ADORA2B: variants seen among roughly 807,000 people sequenced by gnomAD.
ADORA2B encodes adenosine receptor A2b.
Under a neutral mutation model 20.8 loss-of-function variants are expected in ADORA2B, and 18 were observed. That is an observed-to-expected ratio of 0.87 (90% confidence interval 0.60 to 1.29). The LOEUF is 1.29. ADORA2B is among the 50% of genes most tolerant of loss of function. ADORA2B has a pLI of 0.00. For missense variants in ADORA2B, 441 were observed against 422.7 expected (o/e 1.04, Z -0.38); for synonymous variants, 179 against 178.3 (o/e 1.00, Z -0.03).
chr17:15,882,276 G>A, the ADORA2B span, among the ~76,000 whole-genome samples: 61 of 152,246 alleles, frequency 4.0e-4, no homozygotes, highest in Middle Eastern at 6.8e-3. Context: ...GCTGAGAGGA[G>A]CATCTAGGAA....
the ADORA2B span, among the ~76,000 whole-genome samples, chr17:15,852,938 G>A: frequency 1.3e-5 from 2 of 151,732 alleles, no homozygotes; most frequent in Non-Finnish European, 2.9e-5. Context: ...AAGACAGATA[G>A]GGCAGAAGCA....
chr17:15,945,154 C>CTCA lies in ADORA2B; in HGVS notation c.-95_-94insTCA, dbSNP rs1969782167. ...CAGAAGCGGCAGGCGGAGGCGCGGT[C>CTCA]CGGGCGCTATGGCCATGCCCGGCGG... On this transcript the variant is annotated 5_prime_UTR_variant, in exon 1 of 2. Coordinates refer to ENST00000304222, the MANE Select transcript of ADORA2B (RefSeq NM_000676.4). The CTCA allele has an allele frequency of 8.9e-7, 1 of 1,125,102 alleles. No individual in the cohort carries two copies. Among genetic ancestry groups the CTCA allele is most frequent in the African/African-American group, 1.6e-5 (1 of 61,026 alleles). The allele number at this position is 1,125,102 out of a possible 1,614,324, so 69.7% of individuals were successfully genotyped here.
chr17:15,898,453 CT>C, the ADORA2B span, among the ~76,000 whole-genome samples: 453 of 127,484 alleles, frequency 3.6e-3, 1 homozygote, highest in African/African-American at 9.0e-3. Context: ...TAATCTCCCA[CT>C]TTTTTTTTTT....
At chr17:15,957,462 G>A (rs1452612952) in intron 1 of ADORA2B, among the ~76,000 whole-genome samples, 1 of 152,222 alleles carries the variant, frequency 6.6e-6, no homozygotes, top group African/African-American at 2.4e-5. Flanking sequence ...GGAAGACAGG[G>A]CACACGGGAC....
At chr17:15,856,663 TG>T in the ADORA2B span, among the ~76,000 whole-genome samples, 16 of 152,292 alleles carry the variant, frequency 1.1e-4, no homozygotes, top group South Asian at 3.3e-3. Flanking sequence ...TGGTCTCAGA[TG>T]GGGATGAGGA....
At chr17:15,964,880 T>G (rs1213454441) in intron 1 of ADORA2B, among the ~76,000 whole-genome samples, 1 of 151,900 alleles carries the variant, frequency 6.6e-6, no homozygotes, top group Admixed American at 6.6e-5. Flanking sequence ...GCTAACACGG[T>G]GAAACCCCGT....
the ADORA2B span, among the ~76,000 whole-genome samples, chr17:15,857,389 C>T: frequency 6.6e-6 from 1 of 152,206 alleles, no homozygotes; most frequent in East Asian, 1.9e-4. Context: ...ACAGAACCCC[C>T]CTGGGGCACT....
the ADORA2B span, among the ~76,000 whole-genome samples, chr17:15,867,514 ACT>A: frequency 3.6e-5 from 5 of 139,358 alleles, 1 homozygote; most frequent in African/African-American, 1.4e-4. Context: ...CCCGGCGGCC[ACT>A]CTGTCTGGGA....
chr17:15,874,430 G>A, the ADORA2B span, among the ~76,000 whole-genome samples: 1 of 151,754 alleles, frequency 6.6e-6, no homozygotes, highest in Admixed American at 6.6e-5. Context: ...GCTCACCCCT[G>A]TAATCTCAGC....
chr17:15,858,067 T>C, the ADORA2B span, among the ~76,000 whole-genome samples: 209 of 149,026 alleles, frequency 1.4e-3, no homozygotes, highest in African/African-American at 5.0e-3. Context: ...GCAATGATCA[T>C]GAGAGTGCAA....
At chr17:15,930,556 A>G in the ADORA2B span, among the ~76,000 whole-genome samples, 1 of 152,190 alleles carries the variant, frequency 6.6e-6, no homozygotes. Context: ...TTGGCCTCAC[A>G]AAGTTCTGGG....
the ADORA2B span, among the ~76,000 whole-genome samples, chr17:15,904,299 G>T: frequency 6.7e-6 from 1 of 150,356 alleles, no homozygotes; most frequent in Non-Finnish European, 1.5e-5. Flanking sequence ...CTTTCTTGAT[G>T]ATATTTTACT....
At chr17:15,879,720 G>A in the ADORA2B span, among the ~76,000 whole-genome samples, 1 of 149,898 alleles carries the variant, frequency 6.7e-6, no homozygotes, top group Non-Finnish European at 1.5e-5. Flanking sequence ...TGTATTTTTA[G>A]TAGAGACGGG....
the ADORA2B span, among the ~76,000 whole-genome samples, chr17:15,887,281 C>T: frequency 7.7e-6 from 1 of 130,304 alleles, no homozygotes; most frequent in Non-Finnish European, 1.6e-5. Context: ...CTCCTCTTTC[C>T]CAGTCTCAAA....
At chr17:15,883,088 A>G in the ADORA2B span, among the ~76,000 whole-genome samples, 1 of 152,262 alleles carries the variant, frequency 6.6e-6, no homozygotes, top group Non-Finnish European at 1.5e-5. Flanking sequence ...TTTCACCACA[A>G]GACACTTATG....
At chr17:15,870,371 G>C in the ADORA2B span, among the ~76,000 whole-genome samples, 1 of 151,744 alleles carries the variant, frequency 6.6e-6, no homozygotes, top group Non-Finnish European at 1.5e-5. Flanking sequence ...TGGCAGGGTG[G>C]CTCACACCAG....
At chr17:15,963,473 C>G (rs373691315) in intron 1 of ADORA2B, among the ~76,000 whole-genome samples, 1 of 152,160 alleles carries the variant, frequency 6.6e-6, no homozygotes, top group Admixed American at 6.5e-5. Flanking sequence ...GGCAGTGCTC[C>G]GTAACCCCAG....
At chr17:15,912,355 GGGTGACAGA>G in the ADORA2B span, among the ~76,000 whole-genome samples, 2 of 151,446 alleles carry the variant, frequency 1.3e-5, no homozygotes, top group Non-Finnish European at 2.9e-5. Context: ...ACTCCCACTT[GGGTGACAGA>G]GGGAGACCCT....
the ADORA2B span, among the ~76,000 whole-genome samples, chr17:15,911,092 C>T: frequency 6.6e-6 from 1 of 152,232 alleles, no homozygotes; most frequent in Non-Finnish European, 1.5e-5. Context: ...CAGGGATCTC[C>T]CTGGTGGCCC....
Sources: gnomAD v4.1 joint callset for allele counts (sites outside exome capture counted in the v4.1 genomes callset) on GRCh38, gnomAD v4.1.1 for gene constraint, MANE v1.5 for transcripts, NCBI Gene and HGNC (gene_info 2026-07-23, HGNC 2026-07-21) for gene names.